Variants in PDE8A observed in about 807,000 individuals in gnomAD.
PDE8A encodes phosphodiesterase 8A, also known as high affinity cAMP-specific and IBMX-insensitive 3',5'-cyclic phosphodiesterase 8A.
PDE8A carries 59 observed loss-of-function variants against 105.0 expected under a neutral mutation model. That is an observed-to-expected ratio of 0.56 (90% CI 0.46 to 0.70). PDE8A has a LOEUF of 0.70. Among genes scored for constraint, PDE8A ranks in the 30% least tolerant of loss-of-function variants. The pLI is 0.00. For missense variants in PDE8A, 1,014 were observed against 1,045.9 expected, an observed-to-expected ratio of 0.97 and a Z score of 0.42; for synonymous variants, 355 against 371.9, an observed-to-expected ratio of 0.95 and a Z score of 0.52.
At chr15:85,021,426 C>G (rs1370735621) in intron 1 of PDE8A, among the ~76,000 whole-genome samples, 1 of 152,014 alleles carries the variant, frequency 6.6e-6, no homozygotes, top group Non-Finnish European at 1.5e-5. Context: ...GCCCGTAGTC[C>G]TAGCTACTGG....
chr15:85,135,090 G>A (rs780280172), intron 20 of PDE8A, among the ~76,000 whole-genome samples: 4 of 152,182 alleles, frequency 2.6e-5, no homozygotes, highest in Non-Finnish European at 4.4e-5. Flanking sequence ...TCTGGGCGAG[G>A]TGCTGCAGCC....
intron 8 of PDE8A, among the ~76,000 whole-genome samples, chr15:85,094,586 C>T (rs1596512555): frequency 6.6e-6 from 1 of 152,192 alleles, no homozygotes; most frequent in South Asian, 2.1e-4. Flanking sequence ...CCCAAAAACC[C>T]AATCTCTCTT....
chr15:85,019,985 A>G (rs2080397112), intron 1 of PDE8A, among the ~76,000 whole-genome samples: 1 of 95,454 alleles, frequency 1.0e-5, no homozygotes, highest in Non-Finnish European at 1.9e-5. Context: ...TCCTGTGACT[A>G]GGATTCTCTT....
At chr15:85,114,467 C>T (rs913811154) in intron 14 of PDE8A, among the ~76,000 whole-genome samples, 10 of 152,190 alleles carry the variant, frequency 6.6e-5, no homozygotes, top group Non-Finnish European at 1.3e-4. Flanking sequence ...ATCCCACACA[C>T]ATTTAGATGA....
In PDE8A at chr15:85,076,798, A is replaced by G. The variant is rs1250985885; in HGVS notation, c.546+11A>G. 7 of 1,489,742 alleles carry G rather than the reference A, an allele frequency of 4.7e-6. No individual in the cohort carries two copies. The highest frequency in any genetic ancestry group is 6.6e-6 in the Non-Finnish European group (7 of 1,066,688). 92.3% of individuals were successfully genotyped at this position (1,489,742 alleles called of 1,614,324 possible). ...GCTGGATTTACAAGGGTATGTACTC[A>G]CTTATTTGTTATACAAGTATAATTC... On this transcript the variant is annotated intron_variant, in intron 5 of 21. Transcript: ENST00000394553.
At chr15:85,034,180 G>T (rs983096888) in intron 1 of PDE8A, among the ~76,000 whole-genome samples, 1 of 152,206 alleles carries the variant, frequency 6.6e-6, no homozygotes, top group Non-Finnish European at 1.5e-5. Flanking sequence ...TGGAGCAACA[G>T]TGAGAAACTC....
At chr15:85,042,786 G>GT (rs2080830495) in intron 1 of PDE8A, among the ~76,000 whole-genome samples, 1 of 152,130 alleles carries the variant, frequency 6.6e-6, no homozygotes, top group South Asian at 2.1e-4. Context: ...CTTCATATCT[G>GT]TTACTCATTT....
At chr15:85,126,166 G>A in intron 19 of PDE8A, 41 bp from the exon 20 acceptor site, 2 of 1,503,776 alleles carry the variant, frequency 1.3e-6, no homozygotes, top group Non-Finnish European at 1.8e-6. Flanking sequence ...TTGGCACCAA[G>A]GGATCCATTT....
At chr15:85,097,733 G>A (rs1048015409) in intron 8 of PDE8A, 43 of 519,314 alleles carry the variant, frequency 8.3e-5, no homozygotes, top group Middle Eastern at 1.0e-3. Flanking sequence ...TGACCACTTA[G>A]ACTATGGTGA....
At chr15:85,049,846 C>T (rs1277298407) in intron 1 of PDE8A, among the ~76,000 whole-genome samples, 2 of 152,044 alleles carry the variant, frequency 1.3e-5, no homozygotes, top group African/African-American at 4.8e-5. Context: ...GAATATATAC[C>T]CAAAAGGGGA....
At chr15:84,989,365 CTT>C (rs2079851135) in intron 1 of PDE8A, among the ~76,000 whole-genome samples, 1 of 152,238 alleles carries the variant, frequency 6.6e-6, no homozygotes, top group Admixed American at 6.5e-5. Flanking sequence ...AATTCATCCT[CTT>C]TCACTGCTTG....
chr15:85,124,604 A>G (rs1006201930), intron 19 of PDE8A, among the ~76,000 whole-genome samples: 1 of 152,044 alleles, frequency 6.6e-6, no homozygotes, highest in African/African-American at 2.4e-5. Flanking sequence ...CTAGCATATT[A>G]CCCCATGACA....
Position 85,005,891 on chromosome 15 carries a change from G to T in PDE8A, c.186+23543G>T, listed in dbSNP as rs917958239. Among the ~76,000 whole-genome samples, 27 of 152,286 alleles carry T rather than the reference G, an allele frequency of 1.8e-4. 2 individuals are homozygous for T. The South Asian group carries it at 3.9e-3, about 22-fold the overall frequency. On this transcript the variant is annotated intron_variant, in intron 1 of 21. Coordinates refer to ENST00000394553, the MANE Select transcript of PDE8A (RefSeq NM_002605.3). ...GGCGAGAACTGACCAATTAAGTCAG[G>T]AGTGAGGTCAGTATGTGGAAACACA...
At chr15:85,042,938 A>C (rs540684013) in intron 1 of PDE8A, among the ~76,000 whole-genome samples, 4 of 152,326 alleles carry the variant, frequency 2.6e-5, no homozygotes, top group Non-Finnish European at 5.9e-5. Flanking sequence ...ATTCTAGATA[A>C]TTCGATTGTG....
At chr15:85,071,744 T>G (rs1050591292) in intron 3 of PDE8A, among the ~76,000 whole-genome samples, 6 of 152,184 alleles carry the variant, frequency 3.9e-5, no homozygotes, top group African/African-American at 1.2e-4. Context: ...TGACCCTCTT[T>G]GTTGGCAAAC....
At chr15:85,081,343 C>T (rs757858574) in intron 5 of PDE8A, among the ~76,000 whole-genome samples, 1 of 152,216 alleles carries the variant, frequency 6.6e-6, no homozygotes, top group South Asian at 2.1e-4. Flanking sequence ...TGAATAACAT[C>T]CCTAGGGAGT....
At chr15:84,991,116 T>G (rs1016517225) in intron 1 of PDE8A, among the ~76,000 whole-genome samples, 7 of 152,210 alleles carry the variant, frequency 4.6e-5, no homozygotes, top group African/African-American at 1.7e-4. Context: ...AAGGACTGAT[T>G]AAGCAAGTTA....
chr15:85,014,271 C>A (rs918402975), intron 1 of PDE8A, among the ~76,000 whole-genome samples: 2 of 152,058 alleles, frequency 1.3e-5, no homozygotes, highest in Non-Finnish European at 2.9e-5. Context: ...TTCAGCCTCC[C>A]GAGGAGTTGG....
intron 1 of PDE8A, among the ~76,000 whole-genome samples, chr15:85,000,732 TA>T (rs1461781012): frequency 6.6e-6 from 1 of 152,216 alleles, no homozygotes; most frequent in East Asian, 1.9e-4. Context: ...CAGTGGTTTC[TA>T]AATGGTGGCA....
Sources: gnomAD v4.1 joint callset for allele counts (sites outside exome capture counted in the v4.1 genomes callset) on GRCh38, gnomAD v4.1.1 for gene constraint, MANE v1.5 for transcripts, NCBI Gene and HGNC (gene_info 2026-07-23, HGNC 2026-07-21) for gene names.